The following PDE4B variants were observed in gnomAD, a reference collection of about 807,000 sequenced individuals.
PDE4B encodes phosphodiesterase 4B, also known as 3',5'-cyclic-AMP phosphodiesterase 4B.
Under a neutral mutation model 82.2 loss-of-function variants are expected in PDE4B, and 20 were observed. The observed-to-expected ratio is 0.24, with a 90% confidence interval of 0.17 to 0.35. The LOEUF is 0.35. PDE4B is among the 10% of genes least tolerant of loss of function. PDE4B has a pLI of 1.00. For missense variants in PDE4B, 655 were observed against 907.2 expected, an observed-to-expected ratio of 0.72 and a Z score of 3.57; for synonymous variants, 320 against 318.9, an observed-to-expected ratio of 1.00 and a Z score of -0.04.
At chr1:65,898,424 T>C (rs1646934693) in intron 1 of PDE4B, among the ~76,000 whole-genome samples, 1 of 151,982 alleles carries the variant, frequency 6.6e-6, no homozygotes, top group African/African-American at 2.4e-5. Flanking sequence ...TCAAGAAGGG[T>C]ATTTCCCCAC....
At chr1:66,250,167 A>G (rs2101682952) in intron 4 of PDE4B, among the ~76,000 whole-genome samples, 1 of 152,320 alleles carries the variant, frequency 6.6e-6, no homozygotes, top group East Asian at 1.9e-4. Flanking sequence ...GAATCGAAAC[A>G]GAGGAACAGC....
At chr1:66,306,993 G>C (rs1049301888) in intron 7 of PDE4B, among the ~76,000 whole-genome samples, 7 of 152,086 alleles carry the variant, frequency 4.6e-5, no homozygotes, top group Admixed American at 2.0e-4. Flanking sequence ...AAACAAATGT[G>C]GTAGCCGAAA....
chr1:66,059,082 T>C (rs1655455057), intron 3 of PDE4B, among the ~76,000 whole-genome samples: 2 of 152,264 alleles, frequency 1.3e-5, no homozygotes, highest in South Asian at 2.1e-4. Flanking sequence ...CCATATACCC[T>C]CAATCATCCC....
chr1:66,045,499 C>G (rs1419340691), intron 3 of PDE4B, among the ~76,000 whole-genome samples: 1 of 151,684 alleles, frequency 6.6e-6, no homozygotes, highest in Non-Finnish European at 1.5e-5. Flanking sequence ...TCAGAAATTT[C>G]TCCTGCAAAA....
chr1:65,872,307 G>A (rs1051431510), intron 1 of PDE4B, among the ~76,000 whole-genome samples: 1 of 152,034 alleles, frequency 6.6e-6, no homozygotes, highest in African/African-American at 2.4e-5. Flanking sequence ...TTGAATAATT[G>A]TTAATAATTA....
intron 3 of PDE4B, among the ~76,000 whole-genome samples, chr1:66,239,410 A>G (rs1652708677): frequency 6.6e-6 from 1 of 152,332 alleles, no homozygotes; most frequent in East Asian, 1.9e-4. Flanking sequence ...TTACAGTTTT[A>G]TAAAAAGTGG....
intron 3 of PDE4B, among the ~76,000 whole-genome samples, chr1:66,136,010 C>A (rs866121988): frequency 6.6e-6 from 1 of 152,066 alleles, no homozygotes; most frequent in South Asian, 2.1e-4. Context: ...CAAGGTGATT[C>A]TTTCTCTTGT....
intron 1 of PDE4B, among the ~76,000 whole-genome samples, chr1:65,825,744 A>ATCTG (rs1553188321): frequency 3.3e-5 from 5 of 151,508 alleles, no homozygotes; most frequent in Non-Finnish European, 7.4e-5. Flanking sequence ...CTATCTATCT[A>ATCTG]TCTATCTATC....
intron 3 of PDE4B, among the ~76,000 whole-genome samples, chr1:65,982,092 C>G (rs1650718244): frequency 6.6e-6 from 1 of 152,156 alleles, no homozygotes; most frequent in Admixed American, 6.6e-5. Context: ...TAGGAAAGGT[C>G]TAGATTGCCT....
intron 3 of PDE4B, among the ~76,000 whole-genome samples, chr1:66,004,675 C>T (rs1168646470): frequency 1.3e-5 from 2 of 151,956 alleles, no homozygotes; most frequent in African/African-American, 2.4e-5. Flanking sequence ...AGTGCCAGAA[C>T]ATCTCTGAAG....
intron 3 of PDE4B, among the ~76,000 whole-genome samples, chr1:66,116,451 A>C (rs1395277776): frequency 2.0e-5 from 3 of 152,198 alleles, no homozygotes; most frequent in Non-Finnish European, 4.4e-5. Context: ...CCTGGAAGGC[A>C]GCAATGCTTC....
At chr1:66,076,533 C>G (rs1038594293) in intron 3 of PDE4B, among the ~76,000 whole-genome samples, 3 of 152,070 alleles carry the variant, frequency 2.0e-5, no homozygotes, top group African/African-American at 4.8e-5. Flanking sequence ...TGGGTATATA[C>G]TCAGTTAAGG....
intron 3 of PDE4B, among the ~76,000 whole-genome samples, chr1:66,161,029 A>G (rs1319883471): frequency 6.8e-6 from 1 of 147,778 alleles, no homozygotes; most frequent in African/African-American, 2.5e-5. Context: ...CCCAGAAACA[A>G]CCAGTCTTCT....
chr1:66,162,805 T>C (rs1050833213), intron 3 of PDE4B, among the ~76,000 whole-genome samples: 1 of 152,114 alleles, frequency 6.6e-6, no homozygotes, highest in African/African-American at 2.4e-5. Context: ...TCATAGTGTA[T>C]GAATGAGGTG....
At chr1:66,245,437 C>T (rs2101669621) in intron 3 of PDE4B, among the ~76,000 whole-genome samples, 1 of 152,258 alleles carries the variant, frequency 6.6e-6, no homozygotes, top group South Asian at 2.1e-4. Context: ...AGCCCATGAC[C>T]TACTGTTTCT....
intron 3 of PDE4B, among the ~76,000 whole-genome samples, chr1:66,121,697 T>C (rs1200193819): frequency 2.6e-5 from 4 of 152,198 alleles, no homozygotes; most frequent in African/African-American, 7.2e-5. Flanking sequence ...AGCAGCCGAA[T>C]ACAGTTCTTG....
At chr1:66,291,037 C>A (rs1321918967) in intron 7 of PDE4B, among the ~76,000 whole-genome samples, 10 of 152,158 alleles carry the variant, frequency 6.6e-5, no homozygotes, top group Admixed American at 6.6e-4. Context: ...CAGCTCTCCC[C>A]ACTGCCAAGA....
intron 7 of PDE4B, chr1:66,266,581 T>A (rs1020968086): frequency 2.7e-5 from 11 of 404,838 alleles, no homozygotes; most frequent in Non-Finnish European, 5.0e-5. Flanking sequence ...CACGAATCAT[T>A]TCTTTTGGAG....
In PDE4B at chr1:66,353,275, C is replaced by T. The variant is rs548498401; in HGVS notation, c.748-2252C>T. Among the ~76,000 whole-genome samples, 3 of 152,230 alleles carry T rather than the reference C, an allele frequency of 2.0e-5. No individual in the cohort carries two copies. The East Asian group carries it at 5.8e-4, about 29-fold the overall frequency. The stretch of plus-strand genomic sequence containing the variant: ...GTATCATGGGAAACACACACACATA[C>T]GCAAGCAGGGTTACCCAGAAGGAGG... On this transcript the variant is annotated intron_variant, in intron 8 of 16. Transcript: ENST00000341517.
Sources: gnomAD v4.1 joint callset for allele counts (sites outside exome capture counted in the v4.1 genomes callset) on GRCh38, gnomAD v4.1.1 for gene constraint, MANE v1.5 for transcripts, NCBI Gene and HGNC (gene_info 2026-07-23, HGNC 2026-07-21) for gene names.